Variants in GALNT5 observed in about 807,000 individuals in gnomAD.
The protein encoded by GALNT5 is UDP-GalNAc:polypeptide N-acetylgalactosaminyltransferase 5.
Under a neutral mutation model 85.4 loss-of-function variants are expected in GALNT5, and 72 were observed. The observed-to-expected ratio is 0.84, with a 90% CI of 0.70 to 1.03. The LOEUF is 1.03. Ranked by LOEUF, GALNT5 falls within the 50% of genes least tolerant of loss-of-function variation. The pLI is 0.00. For missense variants in GALNT5, 1,137 were observed against 1,135.5 expected (o/e 1.00, Z -0.02); for synonymous variants, 404 against 397.0 (o/e 1.02, Z -0.21).
Position 157,300,682 on chromosome 2 carries a change from A to C in GALNT5, c.2122A>C (p.Met708Leu). The C allele has an allele frequency of 1.2e-6, 2 of 1,608,820 alleles. No homozygotes were observed. The highest frequency in any genetic ancestry group is 2.2e-5 in the South Asian group (2 of 90,944). ...TATCATCAAATTCTTCCAGGTGTGG[A>C]TGTGTGGTGGTGAAATTGAGATCAT... ...ENMELSFKVWMCGGEIEIIPC... is the reference protein window; with the variant it reads ...ENMELSFKVWLCGGEIEIIPC... The change falls in exon 7 of 10, where the codon ATG becomes CTG. Residue 708 changes from methionine (M) to leucine (L), a missense_variant. Transcript: ENST00000259056.
chr2:157,276,912 T>C (rs867627970), intron 1 of GALNT5, among the ~76,000 whole-genome samples: 19 of 152,188 alleles, frequency 1.2e-4, no homozygotes, highest in Non-Finnish European at 1.0e-4. Flanking sequence ...ATTTGTGATG[T>C]TAGGGTGTCA....
At chr2:157,303,627 G>A (rs1032559422) in intron 7 of GALNT5, among the ~76,000 whole-genome samples, 1 of 150,144 alleles carries the variant, frequency 6.7e-6, no homozygotes, top group Non-Finnish European at 1.5e-5. Context: ...CAGAGATGAT[G>A]TCTATATGAA....
chr2:157,259,159 T>C lies in GALNT5; in HGVS notation c.1077T>C (p.Ile359=). Residue 359 remains isoleucine, a synonymous_variant, in exon 1 of 10, where the codon ATT becomes ATC. Transcript: ENST00000259056. ...TGGGTAAAAGCCAAAGTAAACACAT[T>C]TCCAGGAATAGAAGTGAGATGTCTT... ...KVLGKSQSKH[I]SRNRSEMSSS... is the part of the protein sequence containing the mutation. 6.6e-7 allele frequency: 1 copy of C among 1,508,042 alleles called. No individual in the cohort carries two copies. The allele number at this position is 1,508,042 out of a possible 1,614,324, so 93.4% of individuals were successfully genotyped here.
Position 157,300,815 on chromosome 2 carries a change from G to A in GALNT5, c.2255G>A (p.Trp752Ter). 6.2e-7 allele frequency: 1 copy of A among 1,614,062 alleles called. No individual in the cohort carries two copies. The highest frequency in any genetic ancestry group is 8.5e-7 in the Non-Finnish European group (1 of 1,179,984). Reference sequence around the variant, plus strand: ...AACTTGGTGCGGGTTGCCGAGGTCTGGCTGGATGAGTATAAGGAGCTGTTC... The same window carrying A: ...AACTTGGTGCGGGTTGCCGAGGTCTAGCTGGATGAGTATAAGGAGCTGTTC... Reference protein sequence around the residue: ...ERNLVRVAEVWLDEYKELFYG... With the variant: ...ERNLVRVAEV Residue 752 changes from tryptophan (W) to a stop codon, truncating the protein, a stop_gained, in exon 7 of 10, where the codon TGG (tryptophan) becomes TAG (stop). Transcript: ENST00000259056. LOFTEE classifies it high-confidence loss of function.
Position 157,258,657 on chromosome 2 carries a change from G to A in GALNT5, c.575G>A (p.Ser192Asn), listed in dbSNP as rs1682258174. 2 of 1,613,684 alleles carry A rather than the reference G, an allele frequency of 1.2e-6. No individual in the cohort carries two copies. The highest frequency in any genetic ancestry group is 1.3e-5 in the African/African-American group (1 of 74,846). ...ATATCAGTACACATGGGACGTGTCA[G>A]TTTAAAACAGGAGCCCCGGAAGAGT... The part of the protein sequence containing the change: ...VKISVHMGRV[S>N]LKQEPRKSHS... The change falls in exon 1 of 10, where the codon AGT becomes AAT. Residue 192 changes from serine (S) to asparagine (N), a missense_variant. Ser to Asn is a conservative substitution (Grantham distance 46). Transcript: ENST00000259056.
In GALNT5 at chr2:157,318,133, C is replaced by A. The variant is rs987292490; in HGVS notation, c.*6785C>A. The stretch of plus-strand genomic sequence containing the variant: ...ATTTCTTCTTTATTATACTCTGGTG[C>A]TTTATCCTTCTCCATAATTCTCTAT... On this transcript the variant is annotated 3_prime_UTR_variant, in exon 10 of 10. Transcript: ENST00000259056. Among the ~76,000 whole-genome samples the A allele has an allele frequency of 1.3e-5, 2 of 151,924 alleles. No individual in the cohort carries two copies. Among genetic ancestry groups the A allele is most frequent in the African/African-American group, 4.8e-5 (2 of 41,444 alleles).
chr2:157,284,492 G>A (rs752584505), intron 2 of GALNT5, 44 bp downstream of exon 2: 1 of 1,548,104 alleles, frequency 6.5e-7, no homozygotes, highest in South Asian at 1.1e-5. Flanking sequence ...TCAAAGTTTG[G>A]CAGAAGCAAA....
chr2:157,273,877 AGGTTTGATAC>A (rs1427359287), intron 1 of GALNT5, among the ~76,000 whole-genome samples: 1 of 151,876 alleles, frequency 6.6e-6, no homozygotes, highest in Non-Finnish European at 1.5e-5. Context: ...CCCAATGTGC[AGGTTTGATAC>A]ATAGGTATAC....
intron 9 of GALNT5, among the ~76,000 whole-genome samples, chr2:157,309,827 G>T (rs1288774926): frequency 6.6e-6 from 1 of 152,024 alleles, no homozygotes; most frequent in Non-Finnish European, 1.5e-5. Flanking sequence ...TAGTAATAAT[G>T]GTTATTATTG....
At chr2:157,282,059 G>A (rs576483029) in intron 1 of GALNT5, among the ~76,000 whole-genome samples, 13 of 152,304 alleles carry the variant, frequency 8.5e-5, no homozygotes, top group South Asian at 2.1e-4. Flanking sequence ...TTATTCAGAA[G>A]TGCTAATGCA....
intron 3 of GALNT5, among the ~76,000 whole-genome samples, chr2:157,292,621 AG>A (rs1201419932): frequency 6.6e-6 from 1 of 152,168 alleles, no homozygotes; most frequent in African/African-American, 2.4e-5. Flanking sequence ...TGACTTCATA[AG>A]GCTGCTATGG....
intron 7 of GALNT5, among the ~76,000 whole-genome samples, chr2:157,303,607 C>T (rs979664306): frequency 6.6e-6 from 1 of 151,458 alleles, no homozygotes; most frequent in Non-Finnish European, 1.5e-5. Context: ...ATAACAATTC[C>T]AAAACACTTC....
chr2:157,257,791 T>C lies in GALNT5; in HGVS notation c.-292T>C. The C allele has an allele frequency of 2.5e-6, 1 of 393,372 alleles. No individual in the cohort carries two copies. The highest frequency in any genetic ancestry group is 4.7e-6 in the Non-Finnish European group (1 of 214,238). The allele number at this position is 393,372 out of a possible 1,614,324, so 24.4% of individuals were successfully genotyped here. Reference sequence around the variant, plus strand: ...ACAAGTGATATGTTGAACTGTTCGGTGGCTGGAATCAACTGCTCCTGGAGT... The same window carrying C: ...ACAAGTGATATGTTGAACTGTTCGGCGGCTGGAATCAACTGCTCCTGGAGT... On this transcript the variant is annotated 5_prime_UTR_variant, in exon 1 of 10. Transcript: ENST00000259056.
chr2:157,283,114 G>C (rs1390582702), intron 1 of GALNT5, among the ~76,000 whole-genome samples: 2 of 152,192 alleles, frequency 1.3e-5, no homozygotes, highest in African/African-American at 2.4e-5. Context: ...AGCCAGACTG[G>C]ATCAGTGTTC....
chr2:157,258,479 C>T lies in GALNT5; in HGVS notation c.397C>T (p.Gln133Ter). 6.2e-7 allele frequency: 1 copy of T among 1,606,860 alleles called. No individual in the cohort carries two copies. The highest frequency in any genetic ancestry group is 2.2e-5 in the East Asian group (1 of 44,722). The change falls in exon 1 of 10, where the codon CAG becomes TAG. Residue 133 changes from glutamine to a stop codon, truncating the protein, a stop_gained. Transcript: ENST00000259056. LOFTEE classifies it high-confidence loss of function. The stretch of plus-strand genomic sequence containing the variant: ...GCCGTTGTGGCATCCTGCACATCTG[C>T]AGACCCTCCCTGTGACTCCTAACAA... ...VVPLWHPAHL[Q>*]TLPVTPNKQK...
chr2:157,287,680 G>C (rs1683010333), intron 3 of GALNT5, among the ~76,000 whole-genome samples: 1 of 152,058 alleles, frequency 6.6e-6, no homozygotes, highest in Non-Finnish European at 1.5e-5. Flanking sequence ...TTCCCCAAAG[G>C]CCGTATGCCT....
At chr2:157,289,599 G>A (rs1290980743) in intron 3 of GALNT5, among the ~76,000 whole-genome samples, 1 of 152,068 alleles carries the variant, frequency 6.6e-6, no homozygotes, top group African/African-American at 2.4e-5. Flanking sequence ...ACCCCAGCTA[G>A]GTGTATCTTA....
chr2:157,282,455 C>T lies in GALNT5; in HGVS notation c.1455-1827C>T, dbSNP rs183648177. Among the ~76,000 whole-genome samples the T allele has an allele frequency of 1.5e-3, 228 of 152,208 alleles. 1 individual carries two copies. Among genetic ancestry groups the T allele is most frequent in the African/African-American group, 5.2e-3 (216 of 41,532 alleles). The stretch of plus-strand genomic sequence containing the variant: ...CTGAGGATTGGATATTTATGTTTTT[C>T]TAAGGCTTTGTCAATTATTATGATA... On this transcript the variant is annotated intron_variant, in intron 1 of 9. Transcript: ENST00000259056.
At position 157,258,279 on chromosome 2, in the gene GALNT5, T is replaced by A. The variant is rs775560997; in HGVS notation, c.197T>A (p.Ile66Asn). ...GFRVQPDQGKIFYSSIKEMKP... is the reference protein window; with the variant it reads ...GFRVQPDQGKNFYSSIKEMKP... ...AGAGTTCAGCCAGACCAAGGAAAAA[T>A]TTTTTACAGCAGCATAAAAGAGATG... The change falls in exon 1 of 10, where the codon ATT becomes AAT. Residue 66 changes from isoleucine to asparagine, a missense_variant. Coordinates refer to ENST00000259056, the MANE Select transcript of GALNT5 (RefSeq NM_014568.3). 9 of 1,600,572 alleles carry A rather than the reference T, an allele frequency of 5.6e-6. No homozygotes were observed. In the African/African-American group the frequency reaches 8.1e-5, roughly 14 times the overall value.
Sources: gnomAD v4.1 joint callset for allele counts (sites outside exome capture counted in the v4.1 genomes callset) on GRCh38, gnomAD v4.1.1 for gene constraint, MANE v1.5 for transcripts, NCBI Gene and HGNC (gene_info 2026-07-23, HGNC 2026-07-21) for gene names.